Variants in LETM2 observed in about 807,000 individuals in gnomAD.
The protein encoded by LETM2 is leucine zipper and EF-hand containing transmembrane protein 2, also known as LETM1 domain-containing protein LETM2, mitochondrial.
In LETM2, 58 loss-of-function variants were observed where a neutral mutation model predicts 59.6. The observed-to-expected ratio is 0.97, with a 90% CI of 0.79 to 1.21. LETM2 has a LOEUF of 1.21. Among genes scored for constraint, LETM2 ranks in the 50% most tolerant of loss-of-function variants. LETM2 has a pLI of 0.00. For synonymous variants in LETM2, 199 were observed against 214.1 expected (o/e 0.93, Z 0.62); for missense variants, 572 against 575.7 (o/e 0.99, Z 0.07).
intron 2 of LETM2, among the ~76,000 whole-genome samples, chr8:38,392,202 A>T (rs1467717574): frequency 2.0e-5 from 3 of 152,050 alleles, no homozygotes; most frequent in African/African-American, 7.2e-5. Flanking sequence ...AGGCAGGCGG[A>T]TCACTTGAGG....
chr8:38,407,218 T>A, intron 9 of LETM2, 144 bp from the exon 10 acceptor site: 1 of 762,840 alleles, frequency 1.3e-6, no homozygotes, highest in Non-Finnish European at 2.2e-6. Context: ...CTACACGTAA[T>A]TAGGTTCCAG....
At position 38,387,936 on chromosome 8, in the gene LETM2, C is replaced by T. The variant is rs1811902169; in HGVS notation, c.-34-14C>T. The T allele has an allele frequency of 1.0e-6, 1 of 1,004,990 alleles. No individual in the cohort carries two copies. Among genetic ancestry groups the T allele is most frequent in the African/African-American group, 1.6e-5 (1 of 61,534 alleles). The allele number at this position is 1,004,990 out of a possible 1,614,324, so 62.3% of individuals were successfully genotyped here. A position where few individuals can be genotyped will look rare whatever the true frequency, so the allele number is the denominator to read the frequency against. On this transcript the variant is annotated splice_polypyrimidine_tract_variant and intron_variant, in intron 1 of 10. Transcript: ENST00000379957. ...TTTAAACTACTAAATTGTTTACTTA[C>T]TCCTTTTGCCTAGGTCCCTATGTTA...
intron 2 of LETM2, among the ~76,000 whole-genome samples, chr8:38,390,974 C>A (rs1213392057): frequency 6.6e-6 from 1 of 151,880 alleles, no homozygotes; most frequent in Non-Finnish European, 1.5e-5. Context: ...AGCCAGCGTG[C>A]CTGGCGACAA....
rs776164598 is a variant in LETM2 at position 38,400,996 on chromosome 8, C to A, written c.927C>A (p.Asn309Lys). ...TGGAATTGCAGACATTTGGAACCAA[C>A]AACCTGCTCCGCTTTCAGCTCCTGA... ...KLLELQTFGT[N>K]NLLRFQLLMK... The change falls in exon 6 of 11, where the codon AAC becomes AAA. Residue 309 changes from asparagine to lysine, a missense_variant. Transcript: ENST00000379957. 2 of 1,614,178 alleles carry A rather than the reference C, an allele frequency of 1.2e-6. No individual in the cohort carries two copies. Among genetic ancestry groups the A allele is most frequent in the South Asian group, 1.1e-5 (1 of 91,088 alleles).
At chr8:38,399,661 C>A (rs1353913908) in intron 4 of LETM2, among the ~76,000 whole-genome samples, 1 of 151,800 alleles carries the variant, frequency 6.6e-6, no homozygotes, top group African/African-American at 2.4e-5. Flanking sequence ...ACCTGTAATC[C>A]CAGCTATTCG....
chr8:38,402,513 C>G lies in LETM2; in HGVS notation c.985-12C>G, dbSNP rs765239567. ...TCAAAAGTTCCAACTCCATCCCTTA[C>G]ATTTCTTTCAGATAATTGCCAAGGA... is the stretch of plus-strand genomic sequence containing the variant. On this transcript the variant is annotated splice_polypyrimidine_tract_variant and intron_variant, in intron 6 of 10. Coordinates refer to ENST00000379957, the MANE Select transcript of LETM2 (RefSeq NM_001286819.2). 1.4e-5 allele frequency: 22 copies of G among 1,613,408 alleles called. No homozygotes were observed. Among genetic ancestry groups the G allele is most frequent in the Admixed American group, 3.3e-5 (2 of 59,972 alleles).
At chr8:38,401,077 G>A (rs1310684133) in intron 6 of LETM2, 24 bp downstream of exon 6, 1 of 1,579,550 alleles carries the variant, frequency 6.3e-7, no homozygotes, top group African/African-American at 1.3e-5. Flanking sequence ...CATAGCTCTA[G>A]GGAATTAGCA....
intron 4 of LETM2, among the ~76,000 whole-genome samples, chr8:38,398,791 C>T (rs1409759127): frequency 1.4e-5 from 2 of 144,704 alleles, no homozygotes; most frequent in East Asian, 2.1e-4. Flanking sequence ...AGCGTTATCT[C>T]GGCTAACTGC....
intron 8 of LETM2, chr8:38,406,688 A>G (rs1397880953): frequency 2.7e-6 from 1 of 365,032 alleles, no homozygotes; most frequent in Non-Finnish European, 4.9e-6. Context: ...GTGGATTGCT[A>G]ATGATTATTT....
At chr8:38,405,911 A>C (rs1487089813) in intron 8 of LETM2, among the ~76,000 whole-genome samples, 1 of 152,212 alleles carries the variant, frequency 6.6e-6, no homozygotes. Flanking sequence ...GCTCCTAAGC[A>C]AGTTATTGGC....
At chr8:38,394,783 A>G (rs1043917710) in intron 4 of LETM2, among the ~76,000 whole-genome samples, 6 of 151,310 alleles carry the variant, frequency 4.0e-5, no homozygotes, top group African/African-American at 1.5e-4. Context: ...TCAAGGCTGC[A>G]ATGACCTATG....
At chr8:38,404,531 C>T in intron 8 of LETM2, 25 bp downstream of exon 8, 1 of 1,459,984 alleles carries the variant, frequency 6.8e-7, no homozygotes, top group Non-Finnish European at 9.6e-7. Flanking sequence ...TAATGGGGAC[C>T]CTCGACGTCC....
chr8:38,388,297 C>CTGG (rs892115881), intron 2 of LETM2, among the ~76,000 whole-genome samples: 7 of 151,688 alleles, frequency 4.6e-5, no homozygotes, highest in Non-Finnish European at 1.0e-4. Flanking sequence ...CCAGGCTGCT[C>CTGG]TGGAACTCCT....
intron 8 of LETM2, among the ~76,000 whole-genome samples, chr8:38,405,503 C>G (rs921678749): frequency 1.3e-5 from 2 of 152,208 alleles, no homozygotes; most frequent in African/African-American, 4.8e-5. Context: ...CTGTTGACTC[C>G]TTGGACAAGC....
rs190634895 is a variant in LETM2, at chr8:38,390,420, G to C, written c.48-2122G>C. On this transcript the variant is annotated intron_variant, in intron 2 of 10. Coordinates refer to ENST00000379957, the MANE Select transcript of LETM2 (RefSeq NM_001286819.2). The stretch of plus-strand genomic sequence containing the variant: ...GCAGATCACTTGAGGTCAGCAGTTC[G>C]AGACCAGTCTTGCCAACATGGTGAA... Among the ~76,000 whole-genome samples, 663 of 151,784 alleles carry C rather than the reference G, an allele frequency of 4.4e-3. 4 individuals are homozygous for C. Among genetic ancestry groups the C allele is most frequent in the Non-Finnish European group, 5.6e-3 (381 of 67,938 alleles).
Position 38,387,958 on chromosome 8 carries a change from G to A in LETM2, c.-26G>A. ...TTACTCCTTTTGCCTAGGTCCCTAT[G>A]TTAACTACTTGAGACAAAAATAAAT... On this transcript the variant is annotated 5_prime_UTR_variant, in exon 2 of 11. The change abolishes an upstream ATG in the 5' untranslated region. Transcript: ENST00000379957. 6.9e-7 allele frequency: 1 copy of A among 1,439,494 alleles called. No homozygotes were observed. The highest frequency in any genetic ancestry group is 9.4e-7 in the Non-Finnish European group (1 of 1,062,990). The allele number at this position is 1,439,494 out of a possible 1,614,324, so 89.2% of individuals were successfully genotyped here. A position where few individuals can be genotyped will look rare whatever the true frequency, so the allele number is the denominator to read the frequency against.
chr8:38,396,814 G>C (rs1812727287), intron 4 of LETM2, among the ~76,000 whole-genome samples: 1 of 152,146 alleles, frequency 6.6e-6, no homozygotes, highest in East Asian at 1.9e-4. Flanking sequence ...TTGGGAGGCT[G>C]AAGCGGGAGG....
Position 38,400,764 on chromosome 8 carries a change from T to C in LETM2, c.784-89T>C. 5.2e-6 allele frequency: 6 copies of C among 1,150,626 alleles called. No homozygotes were observed. In the South Asian group the frequency reaches 8.6e-5, roughly 16 times the overall value. 71.3% of individuals were successfully genotyped at this position (1,150,626 alleles called of 1,614,324 possible). On this transcript the variant is annotated intron_variant, in intron 5 of 10. Coordinates refer to ENST00000379957, the MANE Select transcript of LETM2 (RefSeq NM_001286819.2). ...CAGATGTCAGACAGAGTCCCATAAA[T>C]GCTTTGATGTCTCTTTCAAATAGCC...
intron 4 of LETM2, among the ~76,000 whole-genome samples, chr8:38,396,398 A>G (rs1188942588): frequency 1.3e-5 from 2 of 152,022 alleles, no homozygotes; most frequent in Non-Finnish European, 2.9e-5. Context: ...TCCTGACCTC[A>G]GGTGATCTGC....
Sources: allele counts gnomAD v4.1 joint callset (sites outside exome capture counted in the v4.1 genomes callset), GRCh38; gene constraint gnomAD v4.1.1; transcripts MANE v1.5; gene names NCBI Gene and HGNC (gene_info 2026-07-23, HGNC 2026-07-21).